The following APAF1 variants were observed in gnomAD, a reference collection of about 807,000 sequenced individuals.
APAF1 encodes apoptotic protease-activating factor 1.
A neutral mutation model predicts 152.4 loss-of-function variants in APAF1; 91 were observed. The observed-to-expected ratio is 0.60, with a 90% CI of 0.50 to 0.71. APAF1 has a LOEUF of 0.71. APAF1 is among the 30% of genes least tolerant of loss of function. The pLI is 0.00. For synonymous variants in APAF1, 484 were observed against 494.1 expected, an observed-to-expected ratio of 0.98 and a Z score of 0.27; for missense variants, 1,283 against 1,472.0, an observed-to-expected ratio of 0.87 and a Z score of 2.10.
At chr12:98,669,321 G>A (rs912337721) in intron 10 of APAF1, among the ~76,000 whole-genome samples, 2 of 152,086 alleles carry the variant, frequency 1.3e-5, no homozygotes, top group Non-Finnish European at 2.9e-5. Context: ...AGTGTGGCAG[G>A]ATTCAGTTTC....
At chr12:98,708,984 C>T (rs2097724838) in intron 20 of APAF1, among the ~76,000 whole-genome samples, 1 of 152,176 alleles carries the variant, frequency 6.6e-6, no homozygotes, top group Non-Finnish European at 1.5e-5. Context: ...TGAGGACAAA[C>T]TCATGTTGTC....
In APAF1 at chr12:98,665,280, T is replaced by TA. The variant is rs1565863211; in HGVS notation, c.956-273_956-272insA. Among the ~76,000 whole-genome samples, 75 of 62,642 alleles carry TA rather than the reference T, an allele frequency of 1.2e-3. 1 individual carries two copies. Among genetic ancestry groups the TA allele is most frequent in the South Asian group, 2.4e-3 (5 of 2,104 alleles). The allele number at this position is 62,642 out of a possible 152,430, so 41.1% of individuals were successfully genotyped here. On this transcript the variant is annotated intron_variant, in intron 7 of 26. Transcript: ENST00000551964. Reference sequence around the variant, plus strand: ...CATATATATATATATATATATATATTTTTTTTTTTTTTTGTAATGACATCT... The same window carrying TA: ...CATATATATATATATATATATATATTATTTTTTTTTTTTTGTAATGACATCT...
chr12:98,696,516 G>A (rs772237159), intron 16 of APAF1, among the ~76,000 whole-genome samples: 4 of 152,126 alleles, frequency 2.6e-5, no homozygotes, highest in Non-Finnish European at 5.9e-5. Flanking sequence ...ATTTCAACAC[G>A]AGTTTGGGTC....
At chr12:98,649,257 T>C (rs1038558455) in intron 3 of APAF1, 16 of 974,566 alleles carry the variant, frequency 1.6e-5, no homozygotes, top group Non-Finnish European at 1.8e-5. Context: ...AAAGCAGATA[T>C]AGATAGAAAC....
chr12:98,667,902 C>T (rs1400362639), intron 10 of APAF1, among the ~76,000 whole-genome samples: 11 of 150,878 alleles, frequency 7.3e-5, no homozygotes, highest in Non-Finnish European at 2.9e-5. Context: ...CCCCATGTAG[C>T]TGGGACTATA....
chr12:98,708,189 C>T (rs1489042575), intron 19 of APAF1, among the ~76,000 whole-genome samples: 2 of 152,202 alleles, frequency 1.3e-5, no homozygotes, highest in Admixed American at 1.3e-4. Flanking sequence ...AGGTGATCTA[C>T]CCGCCTTGGC....
At chr12:98,703,676 T>A (rs1320658217) in intron 18 of APAF1, among the ~76,000 whole-genome samples, 177 bp downstream of exon 18, 2 of 152,250 alleles carry the variant, frequency 1.3e-5, no homozygotes, top group African/African-American at 2.4e-5. Flanking sequence ...CCAGCTTTAT[T>A]ATTTTAACAG....
chr12:98,686,775 C>T lies in APAF1; in HGVS notation c.2206C>T (p.Arg736Ter), dbSNP rs150355642. ...TTGGGATTTGAATCAAAAAGAATGT[C>T]GAAATACCATGTTTGGTCATACAAA... Reference protein sequence around the residue: ...KLWDLNQKECRNTMFGHTNSV... With the variant: ...KLWDLNQKEC The change falls in exon 16 of 27, where the codon CGA (arginine) becomes TGA (stop). Residue 736 changes from arginine (R) to a stop codon, truncating the protein, a stop_gained. Coordinates refer to ENST00000551964, the MANE Select transcript of APAF1 (RefSeq NM_181861.2). LOFTEE classifies it high-confidence loss of function. 9.9e-6 allele frequency: 16 copies of T among 1,613,382 alleles called. No individual in the cohort carries two copies. The highest frequency in any genetic ancestry group is 1.3e-5 in the Non-Finnish European group (15 of 1,179,754).
chr12:98,670,880 C>T, intron 10 of APAF1, 93 bp from the exon 11 acceptor site: 1 of 744,016 alleles, frequency 1.3e-6, no homozygotes, highest in East Asian at 2.6e-5. Context: ...TAGATATTTA[C>T]TGTTTCTCTT....
intron 7 of APAF1, 46 bp from the exon 8 acceptor site, chr12:98,665,507 C>G: frequency 1.5e-6 from 2 of 1,296,792 alleles, no homozygotes; most frequent in Non-Finnish European, 2.2e-6. Context: ...TTATTAGTGA[C>G]AAAATAGGAT....
chr12:98,671,117 A>G lies in APAF1; in HGVS notation c.1608+31A>G, dbSNP rs533902653. ...TATATTAACATGAAAAATTAGTGCT[A>G]AAAAGGAATCTCATTTTTTTTTACA... On this transcript the variant is annotated intron_variant, in intron 11 of 26. Transcript: ENST00000551964. The G allele has an allele frequency of 9.1e-6, 12 of 1,324,306 alleles. No individual in the cohort carries two copies. In the East Asian group the frequency reaches 2.1e-4, roughly 23 times the overall value. The allele number at this position is 1,324,306 out of a possible 1,614,324, so 82.0% of individuals were successfully genotyped here. A position where few individuals can be genotyped will look rare whatever the true frequency, so the allele number is the denominator to read the frequency against.
chr12:98,702,802 T>C (rs1412275429), intron 17 of APAF1, among the ~76,000 whole-genome samples: 1 of 150,796 alleles, frequency 6.6e-6, no homozygotes, highest in Non-Finnish European at 1.5e-5. Flanking sequence ...GATTACGCTA[T>C]TGCACTCCAG....
In APAF1 at chr12:98,668,576, A is replaced by ACAGAGCATGG. The variant is rs1309353254; in HGVS notation, c.1494+932_1494+933insCAGAGCATGG. ...GAAGAAGGACAGAGCATGGAAGGGG[A>ACAGAGCATGG]AAGAAAGTGATGATAGAGGGGTAGA... On this transcript the variant is annotated intron_variant, in intron 10 of 26. Transcript: ENST00000551964. Among the ~76,000 whole-genome samples the ACAGAGCATGG allele has an allele frequency of 2.9e-3, 444 of 152,278 alleles. 3 individuals are homozygous for ACAGAGCATGG. Among genetic ancestry groups the ACAGAGCATGG allele is most frequent in the African/African-American group, 0.01 (422 of 41,544 alleles).
At chr12:98,697,625 C>T (rs2097711297) in intron 16 of APAF1, among the ~76,000 whole-genome samples, 2 of 152,264 alleles carry the variant, frequency 1.3e-5, no homozygotes, top group Admixed American at 1.3e-4. Context: ...AGGGGACAGA[C>T]ACTACTGCAC....
chr12:98,734,197 C>G lies in APAF1; in HGVS notation c.*1631C>G, dbSNP rs916808744. Reference sequence around the variant, plus strand: ...CTAGAAGATTAACCTTCCAGCCAACCTATTTTCCTTTCCCTTGTCTCTCTC... The same window carrying G: ...CTAGAAGATTAACCTTCCAGCCAACGTATTTTCCTTTCCCTTGTCTCTCTC... On this transcript the variant is annotated 3_prime_UTR_variant, in exon 27 of 27. Coordinates refer to ENST00000551964, the MANE Select transcript of APAF1 (RefSeq NM_181861.2). The G allele has an allele frequency of 6.6e-6, 1 of 152,162 alleles. No homozygotes were observed. The highest frequency in any genetic ancestry group is 1.9e-4 in the East Asian group (1 of 5,198). 9.4% of individuals were successfully genotyped at this position (152,162 alleles called of 1,614,324 possible).
chr12:98,700,091 A>C (rs1417327887), intron 17 of APAF1, among the ~76,000 whole-genome samples: 1 of 152,246 alleles, frequency 6.6e-6, no homozygotes, highest in Non-Finnish European at 1.5e-5. Flanking sequence ...TGAAAAAAGT[A>C]AATAAGAAAA....
rs1176032182 is a variant in APAF1, at chr12:98,677,490, A to G, written c.1859A>G (p.His620Arg). ...VVRPHTDAVY[H>R]ACFSEDGQRI... ...CGCCCCCACACAGATGCTGTTTACC[A>G]TGCCTGCTTTTCTGAGGATGGTCAG... is the stretch of plus-strand genomic sequence containing the variant. The change falls in exon 13 of 27, where the codon CAT (histidine) becomes CGT (arginine). Residue 620 changes from histidine to arginine, a missense_variant. His to Arg is a conservative substitution (Grantham distance 29, BLOSUM62 0). Transcript: ENST00000551964. 1 of 1,614,174 alleles carries G rather than the reference A, an allele frequency of 6.2e-7. No homozygotes were observed. Among genetic ancestry groups the G allele is most frequent in the South Asian group, 1.1e-5 (1 of 91,082 alleles).
chr12:98,699,261 A>G (rs978488253), intron 16 of APAF1, 147 bp from the exon 17 acceptor site: 2 of 786,432 alleles, frequency 2.5e-6, no homozygotes, highest in Non-Finnish European at 4.0e-6. Flanking sequence ...ATCTTAATTT[A>G]AAAGCCTTAC....
chr12:98,692,596 C>T (rs888929079), intron 16 of APAF1, among the ~76,000 whole-genome samples: 1 of 152,138 alleles, frequency 6.6e-6, no homozygotes, highest in African/African-American at 2.4e-5. Context: ...ATCTTTATGT[C>T]TTTGTGTACC....
Sources: allele counts gnomAD v4.1 joint callset (sites outside exome capture counted in the v4.1 genomes callset), GRCh38; gene constraint gnomAD v4.1.1; transcripts MANE v1.5; gene names NCBI Gene and HGNC (gene_info 2026-07-23, HGNC 2026-07-21).